Variants in NUBPL observed in about 807,000 individuals in gnomAD.
NUBPL encodes the protein NUBP iron-sulfur cluster assembly factor, mitochondrial, also known as iron-sulfur cluster transfer protein NUBPL.
Under a neutral mutation model 45.7 loss-of-function variants are expected in NUBPL, and 31 were observed. The ratio of observed to expected loss-of-function variants is 0.68; its 90% CI spans 0.51 to 0.92. NUBPL has a LOEUF of 0.92. Among genes scored for constraint, NUBPL ranks in the 40% least tolerant of loss-of-function variants. The probability of loss-of-function intolerance (pLI) is 0.00; values close to 1 mark genes in which losing one functional copy is unlikely to be tolerated. For missense variants in NUBPL, 401 were observed against 398.7 expected (o/e 1.01, Z -0.05); for synonymous variants, 144 against 140.9 (o/e 1.02, Z -0.15).
intron 4 of NUBPL, among the ~76,000 whole-genome samples, chr14:31,642,282 T>G (rs1337620974): frequency 1.3e-5 from 2 of 152,184 alleles, no homozygotes; most frequent in Non-Finnish European, 2.9e-5. Context: ...GAGCATTTAC[T>G]TAATGTTTTC....
At chr14:31,607,868 T>C (rs1200826979) in intron 4 of NUBPL, among the ~76,000 whole-genome samples, 1 of 151,890 alleles carries the variant, frequency 6.6e-6, no homozygotes, top group Non-Finnish European at 1.5e-5. Flanking sequence ...GAGAAAGATA[T>C]CAATATCCAA....
At chr14:31,599,124 T>A in intron 3 of NUBPL, 165 bp from the exon 4 acceptor site, 1 of 663,078 alleles carries the variant, frequency 1.5e-6, no homozygotes, top group South Asian at 1.7e-5. Flanking sequence ...CTCTTTTACT[T>A]AACTGTTGCT....
intron 6 of NUBPL, among the ~76,000 whole-genome samples, chr14:31,783,390 A>G (rs901213730): frequency 2.6e-5 from 4 of 152,036 alleles, no homozygotes; most frequent in Admixed American, 2.0e-4. Context: ...TAGAAAGCCT[A>G]CTATGTGTGA....
At chr14:31,837,942 A>G (rs1043188757) in intron 8 of NUBPL, among the ~76,000 whole-genome samples, 1 of 152,210 alleles carries the variant, frequency 6.6e-6, no homozygotes, top group Non-Finnish European at 1.5e-5. Context: ...AAAGAAAACC[A>G]GTAATGTGTA....
At chr14:31,643,664 G>T (rs1373160109) in intron 4 of NUBPL, among the ~76,000 whole-genome samples, 1 of 151,980 alleles carries the variant, frequency 6.6e-6, no homozygotes, top group Non-Finnish European at 1.5e-5. Context: ...TGGCCTTATA[G>T]GATCCGTTTG....
chr14:31,681,428 C>G (rs1039411901), intron 6 of NUBPL, among the ~76,000 whole-genome samples: 8 of 149,080 alleles, frequency 5.4e-5, no homozygotes, highest in Non-Finnish European at 8.9e-5. Flanking sequence ...GTTTATTTTT[C>G]TCTTTTATTC....
intron 4 of NUBPL, among the ~76,000 whole-genome samples, chr14:31,603,969 G>A (rs2034514703): frequency 6.6e-6 from 1 of 152,104 alleles, no homozygotes; most frequent in Non-Finnish European, 1.5e-5. Context: ...AGTACATGCA[G>A]AACATGAGGA....
intron 6 of NUBPL, among the ~76,000 whole-genome samples, chr14:31,685,852 A>G (rs1374580092): frequency 6.6e-6 from 1 of 152,182 alleles, no homozygotes; most frequent in Non-Finnish European, 1.5e-5. Flanking sequence ...TACATGGAGA[A>G]CTGATTTAAA....
chr14:31,689,109 A>C (rs2037035006), intron 6 of NUBPL, among the ~76,000 whole-genome samples: 1 of 152,036 alleles, frequency 6.6e-6, no homozygotes, highest in Non-Finnish European at 1.5e-5. Context: ...TGCTATTGTG[A>C]ATAGTGCTGC....
intron 7 of NUBPL, among the ~76,000 whole-genome samples, chr14:31,802,129 T>C (rs984362394): frequency 2.0e-5 from 3 of 152,186 alleles, no homozygotes; most frequent in Non-Finnish European, 4.4e-5. Context: ...AATGCCCTTA[T>C]CCCAGGAATG....
At chr14:31,685,708 G>A (rs1306230478) in intron 6 of NUBPL, among the ~76,000 whole-genome samples, 2 of 152,150 alleles carry the variant, frequency 1.3e-5, no homozygotes, top group Non-Finnish European at 2.9e-5. Flanking sequence ...TAGAAAAAAA[G>A]GGCAGATAAA....
intron 7 of NUBPL, among the ~76,000 whole-genome samples, chr14:31,817,585 A>G (rs1269498879): frequency 6.6e-6 from 1 of 152,220 alleles, no homozygotes; most frequent in South Asian, 2.1e-4. Flanking sequence ...ACTAAGCTTC[A>G]TAAGCAAAGC....
At chr14:31,740,439 T>C (rs889416256) in intron 6 of NUBPL, among the ~76,000 whole-genome samples, 3 of 152,246 alleles carry the variant, frequency 2.0e-5, no homozygotes, top group Non-Finnish European at 4.4e-5. Context: ...TTATTTGCCA[T>C]CCATATATCT....
intron 8 of NUBPL, among the ~76,000 whole-genome samples, chr14:31,843,046 T>A (rs1422693410): frequency 1.3e-5 from 2 of 152,218 alleles, no homozygotes; most frequent in East Asian, 3.9e-4. Context: ...ATTTGTCTCA[T>A]GCTCTGTGTC....
intron 7 of NUBPL, among the ~76,000 whole-genome samples, chr14:31,794,935 C>T (rs2039454402): frequency 9.4e-6 from 1 of 105,872 alleles, no homozygotes; most frequent in African/African-American, 3.9e-5. Context: ...GATCCAGTTT[C>T]AGCTTTCTAC....
intron 3 of NUBPL, among the ~76,000 whole-genome samples, chr14:31,592,400 G>A (rs1251804931): frequency 6.6e-6 from 1 of 152,132 alleles, no homozygotes; most frequent in Non-Finnish European, 1.5e-5. Flanking sequence ...GGCAGTGAAG[G>A]GTTTTGAGCA....
chr14:31,775,655 T>C (rs1056481952), intron 6 of NUBPL, among the ~76,000 whole-genome samples: 3 of 152,154 alleles, frequency 2.0e-5, no homozygotes, highest in Admixed American at 1.3e-4. Flanking sequence ...CCTTCTTAAT[T>C]TGATGCACAT....
At chr14:31,637,661 A>G (rs867138245) in intron 4 of NUBPL, among the ~76,000 whole-genome samples, 60 of 152,256 alleles carry the variant, frequency 3.9e-4, no homozygotes, top group African/African-American at 1.3e-3. Flanking sequence ...TTTCTGTCTC[A>G]TTGATCTGTC....
chr14:31,585,914 AT>A (rs2033984604), intron 3 of NUBPL, among the ~76,000 whole-genome samples: 1 of 152,182 alleles, frequency 6.6e-6, no homozygotes, highest in South Asian at 2.1e-4. Flanking sequence ...ACAAGTAAGT[AT>A]TTTCAGCATT....
Sources: gnomAD v4.1 joint callset for allele counts (sites outside exome capture counted in the v4.1 genomes callset) on GRCh38, gnomAD v4.1.1 for gene constraint, MANE v1.5 for transcripts, NCBI Gene and HGNC (gene_info 2026-07-23, HGNC 2026-07-21) for gene names.